NRXN3: variants seen among roughly 807,000 people sequenced by gnomAD.
The protein encoded by NRXN3 is neurexin III.
In NRXN3, 32 loss-of-function variants were observed where a neutral mutation model predicts 137.6. The ratio of observed to expected loss-of-function variants is 0.23; its 90% CI spans 0.18 to 0.31. The LOEUF is 0.31. Among genes scored for constraint, NRXN3 ranks in the 10% least tolerant of loss-of-function variants. The pLI is 1.00. For synonymous variants in NRXN3, 798 were observed against 784.5 expected, an observed-to-expected ratio of 1.02 and a Z score of -0.29; for missense variants, 1,574 against 2,062.5, an observed-to-expected ratio of 0.76 and a Z score of 4.59.
At chr14:79,193,568 T>C (rs1031819609) in intron 15 of NRXN3, among the ~76,000 whole-genome samples, 1 of 152,262 alleles carries the variant, frequency 6.6e-6, no homozygotes, top group Non-Finnish European at 1.5e-5. Context: ...TGTTTATTAT[T>C]ATAAGCTGTG....
At chr14:78,428,296 T>C (rs1385515161) in intron 4 of NRXN3, among the ~76,000 whole-genome samples, 1 of 152,142 alleles carries the variant, frequency 6.6e-6, no homozygotes, top group Non-Finnish European at 1.5e-5. Flanking sequence ...AGACATTTTG[T>C]CTCCCTCCAC....
At chr14:78,959,368 T>C (rs1464299243) in intron 11 of NRXN3, among the ~76,000 whole-genome samples, 1 of 152,216 alleles carries the variant, frequency 6.6e-6, no homozygotes, top group Non-Finnish European at 1.5e-5. Flanking sequence ...TCCAAATCCA[T>C]GTCAGTGTGA....
chr14:79,632,408 T>G (rs918932756), intron 16 of NRXN3: 1 of 152,266 alleles, frequency 6.6e-6, no homozygotes, highest in African/African-American at 2.4e-5. Flanking sequence ...TAAGAGAGAT[T>G]AGAAGGAGCC....
intron 19 of NRXN3, among the ~76,000 whole-genome samples, chr14:79,795,134 A>G (rs568508467): frequency 3.9e-5 from 6 of 152,196 alleles, no homozygotes; most frequent in African/African-American, 1.4e-4. Context: ...ATGAACTGGA[A>G]CGGGGAAAAT....
chr14:79,485,108 A>T (rs1335709488), intron 16 of NRXN3, among the ~76,000 whole-genome samples: 4 of 151,886 alleles, frequency 2.6e-5, no homozygotes, highest in Non-Finnish European at 2.9e-5. Flanking sequence ...GTTGTTCTCT[A>T]ATTAGGGGTC....
intron 10 of NRXN3, among the ~76,000 whole-genome samples, chr14:78,916,819 G>A (rs1282989953): frequency 6.6e-6 from 1 of 152,136 alleles, no homozygotes; most frequent in African/African-American, 2.4e-5. Context: ...CCAAATCAAG[G>A]TCCTGGCTGA....
chr14:78,796,608 A>C (rs2098822738), intron 8 of NRXN3, among the ~76,000 whole-genome samples: 1 of 152,218 alleles, frequency 6.6e-6, no homozygotes. Context: ...GAAAGCCCTG[A>C]AGAGCCCTCT....
intron 16 of NRXN3, among the ~76,000 whole-genome samples, chr14:79,557,232 C>T (rs1330527628): frequency 6.6e-6 from 1 of 151,852 alleles, no homozygotes; most frequent in Non-Finnish European, 1.5e-5. Context: ...ATCTTTCTGT[C>T]TGTCCCTGTA....
chr14:78,338,204 C>T (rs1009555797), intron 4 of NRXN3, among the ~76,000 whole-genome samples: 2 of 152,148 alleles, frequency 1.3e-5, no homozygotes, highest in Non-Finnish European at 2.9e-5. Flanking sequence ...TCCCTCAAAG[C>T]AACACCATCT....
chr14:78,912,876 C>T (rs779084043), intron 10 of NRXN3, among the ~76,000 whole-genome samples: 1 of 152,048 alleles, frequency 6.6e-6, no homozygotes, highest in African/African-American at 2.4e-5. Flanking sequence ...AATTAAAGGG[C>T]CCTGTCCATA....
intron 4 of NRXN3, among the ~76,000 whole-genome samples, chr14:78,443,205 G>A (rs2094313707): frequency 1.3e-5 from 2 of 152,354 alleles, no homozygotes; most frequent in South Asian, 2.1e-4. Context: ...TCCTCAAGGT[G>A]TGCTCAAACT....
intron 15 of NRXN3, among the ~76,000 whole-genome samples, chr14:79,284,387 T>C (rs2081897590): frequency 8.4e-6 from 1 of 119,602 alleles, no homozygotes; most frequent in Admixed American, 7.9e-5. Flanking sequence ...TATATATATG[T>C]ATCTCCAATG....
At chr14:78,536,674 G>C (rs1262182548) in intron 4 of NRXN3, among the ~76,000 whole-genome samples, 1 of 151,808 alleles carries the variant, frequency 6.6e-6, no homozygotes, top group Admixed American at 6.6e-5. Flanking sequence ...TTGATACATA[G>C]GTATACATGT....
At chr14:79,392,951 C>G (rs2094899536) in intron 15 of NRXN3, among the ~76,000 whole-genome samples, 2 of 110,744 alleles carry the variant, frequency 1.8e-5, no homozygotes, top group Non-Finnish European at 3.3e-5. Flanking sequence ...GGCTGGGTGA[C>G]AGAGTGAGGC....
At chr14:78,695,456 A>G (rs1295911672) in intron 6 of NRXN3, 1 of 152,016 alleles carries the variant, frequency 6.6e-6, no homozygotes. Context: ...ATGACTTCCA[A>G]ACTGATGGTC....
chr14:78,212,248 G>GA (rs1232577530), intron 1 of NRXN3, among the ~76,000 whole-genome samples: 2 of 152,274 alleles, frequency 1.3e-5, no homozygotes, highest in Non-Finnish European at 2.9e-5. Context: ...CATTGTACAT[G>GA]AAAATGATTT....
intron 4 of NRXN3, among the ~76,000 whole-genome samples, chr14:78,528,757 A>C (rs2096417201): frequency 6.6e-6 from 1 of 152,142 alleles, no homozygotes; most frequent in Non-Finnish European, 1.5e-5. Context: ...GCAAGTACAG[A>C]TTTGGGGTCC....
chr14:78,553,465 T>C (rs1418729794), intron 4 of NRXN3, among the ~76,000 whole-genome samples: 1 of 152,166 alleles, frequency 6.6e-6, no homozygotes, highest in East Asian at 1.9e-4. Context: ...CCTCCACACC[T>C]TAGCTTCCAA....
chr14:79,212,679 A>C (rs1156762520), intron 15 of NRXN3, among the ~76,000 whole-genome samples: 2 of 152,146 alleles, frequency 1.3e-5, no homozygotes, highest in Admixed American at 1.3e-4. Context: ...GGAGACAAAC[A>C]CACAAGCCCT....
Sources: gnomAD v4.1 joint callset for allele counts (sites outside exome capture counted in the v4.1 genomes callset) on GRCh38, gnomAD v4.1.1 for gene constraint, MANE v1.5 for transcripts, NCBI Gene and HGNC (gene_info 2026-07-23, HGNC 2026-07-21) for gene names.